The following CAPZB variants were observed in gnomAD, a reference collection of about 807,000 sequenced individuals.
The protein encoded by CAPZB is F-actin-capping protein subunit beta.
In CAPZB, 2 loss-of-function variants were observed where a neutral mutation model predicts 38.1. The observed-to-expected ratio is 0.05, with a 90% CI of 0.02 to 0.17. The LOEUF (loss-of-function observed/expected upper bound fraction) is 0.17. CAPZB is among the 10% of genes least tolerant of loss of function. The pLI, the probability that CAPZB is intolerant of heterozygous loss-of-function variation, is 1.00. For synonymous variants in CAPZB, 107 were observed against 127.4 expected (o/e 0.84, Z 1.08); for missense variants, 161 against 334.2 (o/e 0.48, Z 4.04).
At chr1:19,375,343 G>A (rs1428325659) in intron 4 of CAPZB, among the ~76,000 whole-genome samples, 2 of 152,194 alleles carry the variant, frequency 1.3e-5, no homozygotes, top group Non-Finnish European at 1.5e-5. Context: ...CATGCCTCTG[G>A]TATCCCGGAT....
chr1:19,357,371 T>C lies in CAPZB; in HGVS notation c.471+51A>G, dbSNP rs1241715873. 3 of 1,562,644 alleles carry C rather than the reference T, an allele frequency of 1.9e-6. No homozygotes were observed. Among genetic ancestry groups the C allele is most frequent in the Non-Finnish European group, 2.6e-6 (3 of 1,135,476 alleles). On this transcript the variant is annotated intron_variant, in intron 5 of 8. Coordinates refer to ENST00000264202, the MANE Select transcript of CAPZB (RefSeq NM_004930.5). The surrounding 1 kb of genome is among the most constrained non-coding windows in gnomAD (Gnocchi z 4.3). ...TAGAGAGCAGCGCGGCACTGGTTGGTGTGCCATCTGTACTTAGTGGCCCGG... is the reference window on the plus strand; with the variant it reads ...TAGAGAGCAGCGCGGCACTGGTTGGCGTGCCATCTGTACTTAGTGGCCCGG...
At chr1:19,400,445 A>G (rs982303482) in intron 2 of CAPZB, among the ~76,000 whole-genome samples, 1 of 152,184 alleles carries the variant, frequency 6.6e-6, no homozygotes, top group Non-Finnish European at 1.5e-5. Context: ...ACCTGTTTCC[A>G]AAACCAGACA....
chr1:19,485,447 C>T lies in CAPZB; in HGVS notation c.-9G>A, dbSNP rs2094648260. 4 of 1,230,054 alleles carry T rather than the reference C, an allele frequency of 3.3e-6. No individual in the cohort carries two copies. Among genetic ancestry groups the T allele is most frequent in the Admixed American group, 4.2e-5 (1 of 23,586 alleles). The allele number at this position is 1,230,054 out of a possible 1,614,324, so 76.2% of individuals were successfully genotyped here. ...CGTGCGGCCTTTACCATGGTGGCGG[C>T]GGCGGCGGCGGTCCCGGTCCCGGCG... On this transcript the variant is annotated 5_prime_UTR_variant, in exon 1 of 9. Transcript: ENST00000264202.
intron 1 of CAPZB, among the ~76,000 whole-genome samples, chr1:19,426,383 T>C (rs1418131872): frequency 1.3e-5 from 2 of 150,294 alleles, no homozygotes; most frequent in African/African-American, 2.5e-5. Context: ...TAACAAGCAG[T>C]CCCATCCCAC....
At position 19,356,925 on chromosome 1, in the gene CAPZB, G is replaced by C. The variant is rs189925432; in HGVS notation, c.472-174C>G. Among the ~76,000 whole-genome samples the C allele has an allele frequency of 6.6e-5, 10 of 151,812 alleles. No individual in the cohort carries two copies. The highest frequency in any genetic ancestry group is 6.6e-4 in the Admixed American group (10 of 15,258). On this transcript the variant is annotated intron_variant, in intron 5 of 8. Coordinates refer to ENST00000264202, the MANE Select transcript of CAPZB (RefSeq NM_004930.5). The surrounding 1 kb of genome is among the most constrained non-coding windows in gnomAD (Gnocchi z 4.3). ...CACCCAGGCTGGAGTGCAGTGGTGCGATCTCAAGTCACTGCAGCCTCCACC... is the reference window on the plus strand; with the variant it reads ...CACCCAGGCTGGAGTGCAGTGGTGCCATCTCAAGTCACTGCAGCCTCCACC...
intron 1 of CAPZB, among the ~76,000 whole-genome samples, chr1:19,444,973 T>G (rs1311852299): frequency 2.6e-5 from 4 of 152,138 alleles, no homozygotes. Context: ...GAACTCCTAA[T>G]CTCCAGTGAT....
At chr1:19,351,809 G>A (rs1444200282) in intron 6 of CAPZB, among the ~76,000 whole-genome samples, 1 of 152,134 alleles carries the variant, frequency 6.6e-6, no homozygotes, top group Non-Finnish European at 1.5e-5. Flanking sequence ...GAAAACCTGA[G>A]CAGGGTCCAT....
At chr1:19,415,688 C>T (rs964879143) in intron 2 of CAPZB, among the ~76,000 whole-genome samples, 9 of 152,218 alleles carry the variant, frequency 5.9e-5, no homozygotes, top group African/African-American at 2.2e-4. Flanking sequence ...CAGAAAGTGG[C>T]TTCTGAAGCA....
chr1:19,375,225 A>C (rs1488925426), intron 4 of CAPZB, among the ~76,000 whole-genome samples: 1 of 152,186 alleles, frequency 6.6e-6, no homozygotes, highest in Non-Finnish European at 1.5e-5. Context: ...TAGACTATAA[A>C]TGGGTTGGTT....
In CAPZB at chr1:19,485,444, C is replaced by A. The variant is rs550604780; in HGVS notation, c.-6G>T. The A allele has an allele frequency of 8.2e-6, 10 of 1,217,628 alleles. No homozygotes were observed. In the East Asian group the frequency reaches 3.2e-4, roughly 39 times the overall value. The allele number at this position is 1,217,628 out of a possible 1,614,324, so 75.4% of individuals were successfully genotyped here. A position where few individuals can be genotyped will look rare whatever the true frequency, so the allele number is the denominator to read the frequency against. On this transcript the variant is annotated 5_prime_UTR_variant, in exon 1 of 9. Transcript: ENST00000264202. Reference sequence around the variant, plus strand: ...GGCCGTGCGGCCTTTACCATGGTGGCGGCGGCGGCGGCGGTCCCGGTCCCG... The same window carrying A: ...GGCCGTGCGGCCTTTACCATGGTGGAGGCGGCGGCGGCGGTCCCGGTCCCG...
chr1:19,447,426 G>T (rs1189710655), intron 1 of CAPZB, among the ~76,000 whole-genome samples: 1 of 144,778 alleles, frequency 6.9e-6, no homozygotes, highest in Non-Finnish European at 1.5e-5. Context: ...GTAGAGATGG[G>T]GTTTCACCAT....
chr1:19,339,314 G>A lies in CAPZB; in HGVS notation c.*216C>T. 1.7e-6 allele frequency: 1 copy of A among 602,446 alleles called. No homozygotes were observed. Among genetic ancestry groups the A allele is most frequent in the Non-Finnish European group, 3.0e-6 (1 of 337,726 alleles). 37.3% of individuals were successfully genotyped at this position (602,446 alleles called of 1,614,324 possible). On this transcript the variant is annotated 3_prime_UTR_variant, in exon 9 of 9. Transcript: ENST00000264202. ...CACGGTCTCTATGGAAATGTGGAGA[G>A]AACTGAGAGCGAGGTGTGGCAGAAG... is the stretch of plus-strand genomic sequence containing the variant.
intron 6 of CAPZB, among the ~76,000 whole-genome samples, chr1:19,354,031 C>A (rs537662703): frequency 6.6e-6 from 1 of 152,220 alleles, no homozygotes; most frequent in Non-Finnish European, 1.5e-5. Flanking sequence ...ATGGCAGGCA[C>A]AGAGGACGAA....
intron 2 of CAPZB, among the ~76,000 whole-genome samples, chr1:19,414,133 T>C (rs1290038563): frequency 6.6e-6 from 1 of 152,178 alleles, no homozygotes; most frequent in Admixed American, 6.5e-5. Flanking sequence ...ACTCGTTCAC[T>C]AAGGCTCGAA....
intron 1 of CAPZB, among the ~76,000 whole-genome samples, chr1:19,472,301 A>G (rs2094591488): frequency 6.6e-6 from 1 of 152,182 alleles, no homozygotes; most frequent in Non-Finnish European, 1.5e-5. Context: ...TACAGCCTAG[A>G]GCTCTAAACC....
At chr1:19,355,413 T>C (rs2268803) in intron 6 of CAPZB, among the ~76,000 whole-genome samples, 64,283 of 150,824 alleles carry the variant, frequency 0.43, 13,819 homozygotes, top group Admixed American at 0.49. Flanking sequence ...GAGAATCGCT[T>C]GAACCCGGGA....
At chr1:19,484,293 T>A (rs748385991) in intron 1 of CAPZB, 2 of 1,609,052 alleles carry the variant, frequency 1.2e-6, no homozygotes, top group African/African-American at 2.7e-5. Flanking sequence ...GTCCAGGCCA[T>A]ATGCTGGATC....
At chr1:19,468,094 C>A (rs1053530179) in intron 1 of CAPZB, among the ~76,000 whole-genome samples, 21 of 152,150 alleles carry the variant, frequency 1.4e-4, no homozygotes, top group Non-Finnish European at 1.5e-5. Context: ...CAGAGTGAGA[C>A]CCCGCCTCCT....
At chr1:19,400,404 G>A (rs1259135768) in intron 2 of CAPZB, among the ~76,000 whole-genome samples, 1 of 152,232 alleles carries the variant, frequency 6.6e-6, no homozygotes, top group Non-Finnish European at 1.5e-5. Context: ...GAAGCAGACT[G>A]AGCGTGCCAT....
Sources: allele counts gnomAD v4.1 joint callset (sites outside exome capture counted in the v4.1 genomes callset), GRCh38; gene constraint gnomAD v4.1.1; non-coding constraint Gnocchi (gnomAD v3.1); transcripts MANE v1.5; gene names NCBI Gene and HGNC (gene_info 2026-07-23, HGNC 2026-07-21).